ASTN2: variants seen among roughly 807,000 people sequenced by gnomAD.
The protein encoded by ASTN2 is astrotactin-2.
ASTN2 carries 54 observed loss-of-function variants against 139.8 expected under a neutral mutation model. That is an observed-to-expected ratio of 0.39 (90% CI 0.31 to 0.48). ASTN2 has a LOEUF of 0.48. Among genes scored for constraint, ASTN2 ranks in the 20% least tolerant of loss-of-function variants. ASTN2 has a pLI of 0.95. For synonymous variants in ASTN2, 756 were observed against 719.5 expected (o/e 1.05, Z -0.81); for missense variants, 1,565 against 1,725.1 (o/e 0.91, Z 1.64).
At chr9:116,916,276 C>A (rs1316564588) in intron 10 of ASTN2, among the ~76,000 whole-genome samples, 1 of 152,170 alleles carries the variant, frequency 6.6e-6, no homozygotes, top group African/African-American at 2.4e-5. Context: ...TCCTCAGACA[C>A]CCAAAGTCTT....
intron 1 of ASTN2, among the ~76,000 whole-genome samples, chr9:117,388,239 T>C (rs1297213721): frequency 6.6e-6 from 1 of 152,224 alleles, no homozygotes; most frequent in Non-Finnish European, 1.5e-5. Context: ...AACAATATTT[T>C]AGTATTGATT....
At chr9:116,492,271 AG>A (rs2119105429) in intron 19 of ASTN2, among the ~76,000 whole-genome samples, 1 of 152,062 alleles carries the variant, frequency 6.6e-6, no homozygotes, top group Non-Finnish European at 1.5e-5. Flanking sequence ...TAGTAGAGAC[AG>A]GGTTTCACCA....
chr9:116,921,854 A>G (rs1170989269), intron 10 of ASTN2, among the ~76,000 whole-genome samples: 4 of 152,072 alleles, frequency 2.6e-5, no homozygotes, highest in African/African-American at 7.2e-5. Flanking sequence ...TTATCCAATA[A>G]CCTTCCACTG....
At chr9:116,832,348 A>AT (rs200214919) in intron 11 of ASTN2, among the ~76,000 whole-genome samples, 66 of 148,288 alleles carry the variant, frequency 4.5e-4, no homozygotes, top group African/African-American at 9.4e-4. Flanking sequence ...TCCTTTTTTG[A>AT]TTTTTTTTTT....
At chr9:116,578,777 A>AAG (rs1390066362) in intron 19 of ASTN2, among the ~76,000 whole-genome samples, 1 of 151,986 alleles carries the variant, frequency 6.6e-6, no homozygotes, top group African/African-American at 2.4e-5. Flanking sequence ...ATGGAAAAAA[A>AAG]AAATACCAAC....
chr9:116,627,315 G>T (rs1856515159), intron 17 of ASTN2, among the ~76,000 whole-genome samples: 1 of 152,098 alleles, frequency 6.6e-6, no homozygotes, highest in Non-Finnish European at 1.5e-5. Flanking sequence ...AAGCTAGAGG[G>T]CTCTGAAGTG....
chr9:116,980,552 G>C (rs914229429), intron 7 of ASTN2, among the ~76,000 whole-genome samples: 2 of 152,088 alleles, frequency 1.3e-5, no homozygotes, highest in Admixed American at 1.3e-4. Context: ...TTCTCCTTCT[G>C]TAAAATGGAA....
intron 1 of ASTN2, among the ~76,000 whole-genome samples, chr9:117,403,015 G>A (rs1564186762): frequency 6.6e-6 from 1 of 152,182 alleles, no homozygotes; most frequent in Admixed American, 6.5e-5. Context: ...CTAGAGCCTC[G>A]AGGGAGGAAA....
chr9:116,632,334 T>TAA lies in ASTN2; in HGVS notation c.3073-11893_3073-11892dup, dbSNP rs35426791. On this transcript the variant is annotated intron_variant, in intron 17 of 22. Coordinates refer to ENST00000313400, the MANE Select transcript of ASTN2 (RefSeq NM_001365068.1). ...TACAACTATTATGTATCAATAATAA[T>TAA]AAAAAAAAAAGACCTGTAATCTCAG... is the stretch of plus-strand genomic sequence containing the variant. Among the ~76,000 whole-genome samples, 345 of 146,918 alleles carry TAA rather than the reference T, an allele frequency of 2.3e-3. 4 individuals are homozygous for TAA. Among genetic ancestry groups the TAA allele is most frequent in the African/African-American group, 5.2e-3 (207 of 39,960 alleles).
At position 117,414,392 on chromosome 9, in the gene ASTN2, CG is replaced by C; in HGVS notation, c.442+104del. On this transcript the variant is annotated intron_variant, in intron 1 of 22. Transcript: ENST00000313400. This position sits in a 1 kb window ranked among gnomAD's most constrained non-coding sequence, Gnocchi z 4.2. The stretch of plus-strand genomic sequence containing the variant: ...TCCTCTACCCTCTGCCAACCCCACT[CG>C]GGGCAGCCCCGGGCAGGGATCCCCA... 2.6e-6 allele frequency: 4 copies of C among 1,523,174 alleles called. No individual in the cohort carries two copies. The highest frequency in any genetic ancestry group is 2.0e-5 in the Admixed American group (1 of 50,662). 94.4% of individuals were successfully genotyped at this position (1,523,174 alleles called of 1,614,324 possible).
intron 19 of ASTN2, among the ~76,000 whole-genome samples, chr9:116,577,129 G>A (rs1017213013): frequency 7.2e-5 from 11 of 152,164 alleles, no homozygotes; most frequent in African/African-American, 1.7e-4. Context: ...CCAAAGTCAC[G>A]CACAGTTGGT....
At position 116,832,838 on chromosome 9, in the gene ASTN2, C is replaced by T. The variant is rs920815894; in HGVS notation, c.2041-12055G>A. Among the ~76,000 whole-genome samples the T allele has an allele frequency of 3.9e-5, 6 of 152,128 alleles. No homozygotes were observed. The South Asian group carries it at 1.0e-3, about 26-fold the overall frequency. ...TACTTTGTAGTTTTCTGTTTTTGAA[C>T]TATCTTTGTCTGCTTTTAGTATCAA... On this transcript the variant is annotated intron_variant, in intron 11 of 22. Transcript: ENST00000313400.
At chr9:117,016,689 A>ATATATATGTTACATATATATAGGTTATG in intron 6 of ASTN2, among the ~76,000 whole-genome samples, 24 of 142,184 alleles carry the variant, frequency 1.7e-4, no homozygotes, top group African/African-American at 6.3e-4. Flanking sequence ...TATAGGTTAT[A>ATATATATGTTACATATATATAGGTTATG]TATATATGTT....
intron 10 of ASTN2, among the ~76,000 whole-genome samples, chr9:116,900,036 G>A (rs577310480): frequency 7.2e-4 from 110 of 152,236 alleles, no homozygotes; most frequent in African/African-American, 2.3e-3. Context: ...GCCCCTGCTC[G>A]TCAAACTATC....
intron 1 of ASTN2, among the ~76,000 whole-genome samples, chr9:117,354,190 T>C (rs4240416): frequency 0.89 from 135,786 of 152,086 alleles, 60,886 homozygotes; most frequent in East Asian, 0.99. Context: ...ACTTCCTGCT[T>C]AATCTTTCTA....
intron 1 of ASTN2, among the ~76,000 whole-genome samples, chr9:117,388,203 G>A (rs1416210671): frequency 1.3e-5 from 2 of 152,168 alleles, no homozygotes; most frequent in Non-Finnish European, 2.9e-5. Context: ...AGGTCCTAAT[G>A]AGCACATGTC....
At chr9:116,495,304 A>T (rs945068832) in intron 19 of ASTN2, among the ~76,000 whole-genome samples, 9 of 152,118 alleles carry the variant, frequency 5.9e-5, no homozygotes, top group African/African-American at 1.9e-4. Context: ...CCTTTGGGGA[A>T]CCAGCTCTCC....
intron 7 of ASTN2, among the ~76,000 whole-genome samples, chr9:117,001,426 C>T (rs1837187611): frequency 6.6e-6 from 1 of 152,062 alleles, no homozygotes; most frequent in African/African-American, 2.4e-5. Context: ...AGATGCTCTC[C>T]AAAACAGGTG....
chr9:117,031,056 T>C (rs1838233776), intron 6 of ASTN2, among the ~76,000 whole-genome samples: 1 of 152,142 alleles, frequency 6.6e-6, no homozygotes, highest in Admixed American at 6.5e-5. Context: ...CCTATGGGGG[T>C]TCTGAATCTC....
Sources: allele counts gnomAD v4.1 joint callset (sites outside exome capture counted in the v4.1 genomes callset), GRCh38; gene constraint gnomAD v4.1.1; non-coding constraint Gnocchi (gnomAD v3.1); transcripts MANE v1.5; gene names NCBI Gene and HGNC (gene_info 2026-07-23, HGNC 2026-07-21).